TIAM2: variants seen among roughly 807,000 people sequenced by gnomAD.
TIAM2 encodes TIAM Rac1 associated GEF 2, also known as rho guanine nucleotide exchange factor TIAM2.
In TIAM2, 80 loss-of-function variants were observed where a neutral mutation model predicts 152.9. The observed-to-expected ratio is 0.52, with a 90% CI of 0.44 to 0.63. The LOEUF (loss-of-function observed/expected upper bound fraction) is 0.63, where lower values mean the gene tolerates loss of function less well. TIAM2 is among the 30% of genes least tolerant of loss of function. TIAM2 has a pLI of 0.00. For synonymous variants in TIAM2, 804 were observed against 838.0 expected (o/e 0.96, Z 0.70); for missense variants, 1,965 against 2,120.1 (o/e 0.93, Z 1.44).
chr6:155,105,666 A>G (rs1242586775), intron 2 of TIAM2, among the ~76,000 whole-genome samples: 1 of 150,972 alleles, frequency 6.6e-6, no homozygotes, highest in Non-Finnish European at 1.5e-5. Context: ...TATGTTGCCC[A>G]GGCTGGTCTC....
intron 1 of TIAM2, among the ~76,000 whole-genome samples, chr6:154,999,888 A>G (rs1562285740): frequency 1.3e-5 from 2 of 151,772 alleles, no homozygotes; most frequent in African/African-American, 4.8e-5. Flanking sequence ...CATGTTGGTC[A>G]GGTTGGTCTT....
chr6:155,075,810 A>G (rs1777944115), intron 1 of TIAM2, among the ~76,000 whole-genome samples: 1 of 152,150 alleles, frequency 6.6e-6, no homozygotes. Context: ...AGGTGTCACT[A>G]TTTCTGCCAT....
chr6:155,030,635 G>A (rs1374981406), intron 1 of TIAM2, among the ~76,000 whole-genome samples: 3 of 152,184 alleles, frequency 2.0e-5, no homozygotes, highest in Middle Eastern at 3.2e-3. Context: ...GTTTCCTCAT[G>A]TGATTGTGGA....
rs576162615 is a variant in TIAM2, at chr6:155,117,453, T to C, written c.-117-10037T>C. 3.9e-3 allele frequency among the ~76,000 whole-genome samples: 591 copies of C among 152,264 alleles called. 3 individuals carry two copies. Among genetic ancestry groups the C allele is most frequent in the African/African-American group, 0.014 (562 of 41,554 alleles). ...GTTAAAGTTGTCATATTCTCTCTCT[T>C]CCCCCTGTAGACGGAGTCATGCTTT... On this transcript the variant is annotated intron_variant, in intron 2 of 26. Transcript: ENST00000682666.
chr6:155,177,068 G>C, intron 10 of TIAM2, 91 bp downstream of exon 10: 1 of 1,332,996 alleles, frequency 7.5e-7, no homozygotes, highest in Non-Finnish European at 1.0e-6. Flanking sequence ...TGATATTCAA[G>C]GGCCCAGTTT....
At chr6:155,224,982 G>T (rs1232578659) in intron 15 of TIAM2, among the ~76,000 whole-genome samples, 1 of 152,148 alleles carries the variant, frequency 6.6e-6, no homozygotes, top group Non-Finnish European at 1.5e-5. Flanking sequence ...TTTGAGATGG[G>T]TCTCGCTCTG....
intron 2 of TIAM2, among the ~76,000 whole-genome samples, chr6:155,117,777 T>G (rs1385883799): frequency 6.6e-6 from 1 of 152,150 alleles, no homozygotes; most frequent in African/African-American, 2.4e-5. Flanking sequence ...TCCACATGTT[T>G]CATGGTTTAT....
intron 1 of TIAM2, among the ~76,000 whole-genome samples, chr6:154,997,111 C>T (rs1778227245): frequency 6.6e-6 from 1 of 152,144 alleles, no homozygotes; most frequent in Non-Finnish European, 1.5e-5. Flanking sequence ...CTGCTCTAGA[C>T]ACACCAAGCT....
chr6:155,112,947 C>T (rs533784817), intron 2 of TIAM2, among the ~76,000 whole-genome samples: 2 of 151,802 alleles, frequency 1.3e-5, no homozygotes, highest in Non-Finnish European at 2.9e-5. Flanking sequence ...TGCATCGTTC[C>T]GGTAGCCTAG....
At position 155,144,624 on chromosome 6, in the gene TIAM2, A is replaced by T. The variant is rs767106968; in HGVS notation, c.1649A>T (p.Tyr550Phe). Residue 550 changes from tyrosine (Y) to phenylalanine (F), a missense_variant, in exon 6 of 27, where the codon TAT (tyrosine) becomes TTT (phenylalanine). By Grantham distance (22) the Tyr-to-Phe change is conservative. This residue lies in a region of TIAM2 where 1,025 missense variants were observed against 1,119.4 expected (regional missense o/e 0.92). Transcript: ENST00000682666. ...TTCACAGGATGCACGCTGCTGTTTT[A>T]TGAGACCTATGGGAAGAATTCCATG... is the stretch of plus-strand genomic sequence containing the variant. ...VTLKGCTLLF[Y>F]ETYGKNSMDQ... 1 of 1,547,314 alleles carries T rather than the reference A, an allele frequency of 6.5e-7. No individual in the cohort carries two copies. The highest frequency in any genetic ancestry group is 1.3e-5 in the South Asian group (1 of 78,496).
In TIAM2 at chr6:155,201,850, G is replaced by A. The variant is rs114936238; in HGVS notation, c.3065-9354G>A. ...TTTACTTTACTGCTCTCTGTTTATT[G>A]CCGGTGTTAGCTTGCATTGTCAAAA... On this transcript the variant is annotated intron_variant, in intron 14 of 26. Coordinates refer to ENST00000682666, the MANE Select transcript of TIAM2 (RefSeq NM_012454.4). Among the ~76,000 whole-genome samples, 937 of 152,298 alleles carry A rather than the reference G, an allele frequency of 6.2e-3. 13 individuals carry two copies. The highest frequency in any genetic ancestry group is 0.022 in the African/African-American group (895 of 41,544).
chr6:155,183,873 A>G (rs1780970774), intron 14 of TIAM2, among the ~76,000 whole-genome samples: 1 of 152,204 alleles, frequency 6.6e-6, no homozygotes, highest in Non-Finnish European at 1.5e-5. Flanking sequence ...AGGCACAACC[A>G]TTTTGCAGTC....
chr6:155,137,684 C>T (rs1779588343), intron 5 of TIAM2, 72 bp downstream of exon 5: 1 of 1,458,660 alleles, frequency 6.9e-7, no homozygotes, highest in African/African-American at 1.4e-5. Context: ...CAGGAAGTGC[C>T]AAGAGACTAG....
intron 2 of TIAM2, among the ~76,000 whole-genome samples, chr6:155,103,960 G>A (rs1195461607): frequency 3.3e-5 from 5 of 149,416 alleles, no homozygotes; most frequent in Admixed American, 2.0e-4. Context: ...TAACAGAAAT[G>A]AGGCTGCTGG....
intron 1 of TIAM2, among the ~76,000 whole-genome samples, chr6:155,038,911 C>A (rs147451165): frequency 1.3e-5 from 2 of 148,784 alleles, no homozygotes; most frequent in African/African-American, 4.9e-5. Flanking sequence ...TACACCACTG[C>A]ACTCCAGCCT....
intron 2 of TIAM2, among the ~76,000 whole-genome samples, chr6:155,114,970 G>T (rs1778976408): frequency 6.6e-6 from 1 of 152,000 alleles, no homozygotes; most frequent in South Asian, 2.1e-4. Flanking sequence ...TGGGACTACA[G>T]GTGCCCGCCA....
At chr6:155,091,394 C>T (rs1364554203) in intron 2 of TIAM2, among the ~76,000 whole-genome samples, 2 of 152,186 alleles carry the variant, frequency 1.3e-5, no homozygotes, top group Non-Finnish European at 2.9e-5. Context: ...GCATCTGTTG[C>T]ACAGCAGATA....
intron 1 of TIAM2, among the ~76,000 whole-genome samples, chr6:155,040,390 T>G (rs1260706718): frequency 6.6e-6 from 1 of 152,192 alleles, no homozygotes; most frequent in Non-Finnish European, 1.5e-5. Flanking sequence ...TGGAAGCAAC[T>G]TGCCGAATGT....
rs544727575 is a variant in TIAM2 at position 155,161,829 on chromosome 6, C to T, written c.2029-2586C>T. Among the ~76,000 whole-genome samples, 50 of 152,196 alleles carry T rather than the reference C, an allele frequency of 3.3e-4. No individual in the cohort carries two copies. In the South Asian group the frequency reaches 8.1e-3, roughly 25 times the overall value. The stretch of plus-strand genomic sequence containing the variant: ...CTGACCTCCAATGATCTGCCCGCAT[C>T]GGCCTCCCGAAGTGCTGGGATTACA... On this transcript the variant is annotated intron_variant, in intron 7 of 26. Transcript: ENST00000682666.
Sources: gnomAD v4.1 joint callset for allele counts (sites outside exome capture counted in the v4.1 genomes callset) on GRCh38, gnomAD v4.1.1 for gene constraint, gnomAD v4.1.1 regional missense constraint, MANE v1.5 for transcripts, NCBI Gene and HGNC (gene_info 2026-07-23, HGNC 2026-07-21) for gene names.